The following CHRM3 variants were observed in gnomAD, a reference collection of about 807,000 sequenced individuals.
CHRM3 encodes cholinergic receptor muscarinic 3.
CHRM3 carries 11 observed loss-of-function variants against 41.8 expected under a neutral mutation model. The ratio of observed to expected loss-of-function variants is 0.26; its 90% CI spans 0.17 to 0.44. CHRM3 has a LOEUF of 0.44. Among genes scored for constraint, CHRM3 ranks in the 20% least tolerant of loss-of-function variants. The pLI is 1.00. For missense variants in CHRM3, 571 were observed against 745.4 expected (o/e 0.77, Z 2.72); for synonymous variants, 297 against 301.4 (o/e 0.99, Z 0.15).
At chr1:239,392,388 T>A (rs905506892) in intron 1 of CHRM3, among the ~76,000 whole-genome samples, 1 of 152,152 alleles carries the variant, frequency 6.6e-6, no homozygotes, top group Non-Finnish European at 1.5e-5. Flanking sequence ...CTTCATTAGG[T>A]CATTTGTTCT....
At chr1:239,825,421 C>T (rs1486233957) in intron 5 of CHRM3, among the ~76,000 whole-genome samples, 1 of 152,150 alleles carries the variant, frequency 6.6e-6, no homozygotes, top group Non-Finnish European at 1.5e-5. Context: ...TCAACAATTC[C>T]ATCTTCTATA....
chr1:239,896,792 T>C (rs1011740856), intron 6 of CHRM3, among the ~76,000 whole-genome samples: 1 of 152,282 alleles, frequency 6.6e-6, no homozygotes, highest in African/African-American at 2.4e-5. Flanking sequence ...TTCCCCAGGT[T>C]GTGACAAGAA....
At chr1:239,473,159 T>C (rs1264615908) in intron 1 of CHRM3, among the ~76,000 whole-genome samples, 1 of 147,282 alleles carries the variant, frequency 6.8e-6, no homozygotes, top group African/African-American at 2.5e-5. Context: ...TTTTAAAATA[T>C]GAAAGTAATA....
chr1:239,706,213 T>C (rs1168308101), intron 5 of CHRM3: 1 of 150,340 alleles, frequency 6.7e-6, no homozygotes, highest in African/African-American at 2.4e-5. Context: ...ACATTATTAA[T>C]ATAATTTATA....
At chr1:239,423,913 G>A (rs1375379974) in intron 1 of CHRM3, among the ~76,000 whole-genome samples, 1 of 151,848 alleles carries the variant, frequency 6.6e-6, no homozygotes, top group Non-Finnish European at 1.5e-5. Flanking sequence ...AAATTAGCCA[G>A]GCATGGTGGC....
At chr1:239,637,210 T>C (rs1424783460) in intron 4 of CHRM3, among the ~76,000 whole-genome samples, 1 of 152,106 alleles carries the variant, frequency 6.6e-6, no homozygotes, top group Non-Finnish European at 1.5e-5. Flanking sequence ...TTTTGTTTGG[T>C]TTTGTAAATT....
intron 5 of CHRM3, among the ~76,000 whole-genome samples, chr1:239,769,880 CA>C (rs879934676): frequency 2.2e-3 from 299 of 136,278 alleles, no homozygotes; most frequent in African/African-American, 2.8e-3. Context: ...GACTCTGTCT[CA>C]AAAAAAAAAA....
At chr1:239,583,010 C>T (rs775370199) in intron 3 of CHRM3, among the ~76,000 whole-genome samples, 76 of 152,190 alleles carry the variant, frequency 5.0e-4, no homozygotes, top group Non-Finnish European at 4.0e-4. Flanking sequence ...TGTGAGTGCT[C>T]ACTCATACCT....
chr1:239,554,197 G>C (rs547845286), intron 3 of CHRM3, among the ~76,000 whole-genome samples: 8 of 152,280 alleles, frequency 5.3e-5, no homozygotes, highest in African/African-American at 1.9e-4. Flanking sequence ...TAATTATGAT[G>C]TTGTGAAGTC....
intron 4 of CHRM3, among the ~76,000 whole-genome samples, chr1:239,654,550 C>T (rs939047549): frequency 6.6e-6 from 1 of 152,080 alleles, no homozygotes; most frequent in Non-Finnish European, 1.5e-5. Context: ...AGGCACACAC[C>T]ACCCATCCTG....
intron 1 of CHRM3, among the ~76,000 whole-genome samples, chr1:239,490,333 T>C (rs1572479262): frequency 1.3e-5 from 2 of 152,154 alleles, no homozygotes; most frequent in Non-Finnish European, 2.9e-5. Context: ...CATGTTACAA[T>C]GTTTCTAAAT....
chr1:239,396,049 G>A (rs976150861), intron 1 of CHRM3, among the ~76,000 whole-genome samples: 4 of 152,152 alleles, frequency 2.6e-5, no homozygotes, highest in Admixed American at 2.0e-4. Context: ...CCTCTGCCAC[G>A]TTCTCTTGCT....
intron 2 of CHRM3, among the ~76,000 whole-genome samples, chr1:239,500,912 T>G (rs1307984332): frequency 6.6e-6 from 1 of 152,026 alleles, no homozygotes; most frequent in Admixed American, 6.6e-5. Context: ...TAACAGAAAC[T>G]TAAAGTAAAA....
At chr1:239,451,562 G>T (rs12142243) in intron 1 of CHRM3, among the ~76,000 whole-genome samples, 3,245 of 152,058 alleles carry the variant, frequency 0.021, 101 homozygotes, top group African/African-American at 0.074. Flanking sequence ...CACCCATGCC[G>T]TACAGATTGG....
chr1:239,600,779 TTTCCTTCCTTCCTTTTCTTTCC>T (rs1558359089), intron 3 of CHRM3, among the ~76,000 whole-genome samples: 2 of 150,904 alleles, frequency 1.3e-5, no homozygotes, highest in Admixed American at 1.3e-4. Flanking sequence ...TTTTTCTTCT[TTTCCTTCCTTCCTTTTCTTTCC>T]TTCCTTCCTT....
chr1:239,618,137 T>C (rs1667839255), intron 3 of CHRM3, among the ~76,000 whole-genome samples: 1 of 151,902 alleles, frequency 6.6e-6, no homozygotes, highest in Non-Finnish European at 1.5e-5. Flanking sequence ...ACTTATTACG[T>C]ATTTTCCCTG....
At chr1:239,638,591 C>A (rs553720723) in intron 4 of CHRM3, among the ~76,000 whole-genome samples, 1 of 152,240 alleles carries the variant, frequency 6.6e-6, no homozygotes, top group South Asian at 2.1e-4. Context: ...ATGTCCTTCG[C>A]CCACTTTTTG....
chr1:239,615,320 T>A (rs1352347068), intron 3 of CHRM3, among the ~76,000 whole-genome samples: 3 of 152,166 alleles, frequency 2.0e-5, no homozygotes, highest in Non-Finnish European at 4.4e-5. Context: ...AGCTTTTTCT[T>A]AGAGAAGACA....
At position 239,809,778 on chromosome 1, in the gene CHRM3, C is replaced by T. The variant is rs373750773; in HGVS notation, c.-146-17474C>T. Among the ~76,000 whole-genome samples the T allele has an allele frequency of 7.4e-4, 112 of 152,270 alleles. 1 individual carries two copies. The South Asian group carries it at 0.021, about 29-fold the overall frequency. ...CCTCCCAAAGTGCCAGGATTACAGG[C>T]GTGAGCCACCATGCCTGGCCTACTG... On this transcript the variant is annotated intron_variant, in intron 5 of 6. Transcript: ENST00000676153.
Sources: allele counts gnomAD v4.1 joint callset (sites outside exome capture counted in the v4.1 genomes callset), GRCh38; gene constraint gnomAD v4.1.1; transcripts MANE v1.5; gene names NCBI Gene and HGNC (gene_info 2026-07-23, HGNC 2026-07-21).